Variants in PDSS2 observed in about 807,000 individuals in gnomAD.
PDSS2 encodes the protein decaprenyl diphosphate synthase subunit 2.
In PDSS2, 31 loss-of-function variants were observed where a neutral mutation model predicts 44.5. That is an observed-to-expected ratio of 0.70 (90% CI 0.52 to 0.94). The LOEUF (loss-of-function observed/expected upper bound fraction) is 0.94. Ranked by LOEUF, PDSS2 falls within the 40% of genes least tolerant of loss-of-function variation. PDSS2 has a pLI of 0.00. For missense variants in PDSS2, 452 were observed against 482.2 expected (o/e 0.94, Z 0.59); for synonymous variants, 157 against 180.3 (o/e 0.87, Z 1.03).
intron 3 of PDSS2, chr6:107,264,543 T>A (rs1185631909): frequency 7.5e-7 from 1 of 1,327,164 alleles, no homozygotes; most frequent in Non-Finnish European, 1.1e-6. Context: ...CGTGATAAAT[T>A]CCATTCTTTA....
chr6:107,245,295 T>A (rs897450239), intron 4 of PDSS2, among the ~76,000 whole-genome samples: 1 of 152,086 alleles, frequency 6.6e-6, no homozygotes, highest in Non-Finnish European at 1.5e-5. Context: ...CATCCCAGTG[T>A]CTACTGAGCT....
chr6:107,189,918 G>T (rs563149736), intron 7 of PDSS2, among the ~76,000 whole-genome samples: 72 of 151,544 alleles, frequency 4.8e-4, no homozygotes, highest in African/African-American at 1.6e-3. Flanking sequence ...AAGAAAGAAA[G>T]AAACAAATAA....
At chr6:107,258,248 T>C (rs1025343733) in intron 3 of PDSS2, among the ~76,000 whole-genome samples, 2 of 152,170 alleles carry the variant, frequency 1.3e-5, no homozygotes, top group Non-Finnish European at 1.5e-5. Flanking sequence ...TTATATAAGA[T>C]ATTGGCTTCT....
chr6:107,239,564 T>A (rs570136328), intron 4 of PDSS2, among the ~76,000 whole-genome samples: 1 of 150,672 alleles, frequency 6.6e-6, no homozygotes, highest in Non-Finnish European at 1.5e-5. Context: ...AATGGTTTTA[T>A]AAAATAATTT....
chr6:107,436,086 T>A (rs539003526), intron 1 of PDSS2, among the ~76,000 whole-genome samples: 49 of 152,378 alleles, frequency 3.2e-4, no homozygotes, highest in African/African-American at 1.1e-3. Flanking sequence ...TCTGATGTGT[T>A]AACTATGTGC....
chr6:107,402,237 G>A (rs1203579224), intron 1 of PDSS2, among the ~76,000 whole-genome samples: 3 of 149,952 alleles, frequency 2.0e-5, no homozygotes, highest in South Asian at 2.1e-4. Flanking sequence ...CCGAGATTGC[G>A]CCATTACACT....
At chr6:107,428,394 G>C (rs1417965539) in intron 1 of PDSS2, among the ~76,000 whole-genome samples, 1 of 152,210 alleles carries the variant, frequency 6.6e-6, no homozygotes, top group Non-Finnish European at 1.5e-5. Flanking sequence ...TGATACACAA[G>C]ATGAATGCCG....
chr6:107,156,341 C>T (rs1770896116), intron 7 of PDSS2, among the ~76,000 whole-genome samples: 1 of 151,920 alleles, frequency 6.6e-6, no homozygotes, highest in Admixed American at 6.6e-5. Context: ...ACTACAGGTA[C>T]CCACCACCAT....
At chr6:107,252,798 C>T (rs967668991) in intron 3 of PDSS2, among the ~76,000 whole-genome samples, 7 of 152,050 alleles carry the variant, frequency 4.6e-5, no homozygotes, top group African/African-American at 1.4e-4. Context: ...TTTTTAAAAT[C>T]GCAACTGATA....
chr6:107,229,241 C>T (rs1773949270), intron 4 of PDSS2, among the ~76,000 whole-genome samples: 1 of 152,176 alleles, frequency 6.6e-6, no homozygotes, highest in Non-Finnish European at 1.5e-5. Flanking sequence ...GGCTGGAGTG[C>T]AATGGCGTGA....
chr6:107,341,035 A>C (rs1713442468), intron 1 of PDSS2, among the ~76,000 whole-genome samples: 1 of 152,212 alleles, frequency 6.6e-6, no homozygotes, highest in African/African-American at 2.4e-5. Context: ...CTAAAGACTA[A>C]AACTGTTACT....
At chr6:107,226,270 C>A (rs1452798824) in intron 4 of PDSS2, among the ~76,000 whole-genome samples, 1 of 152,188 alleles carries the variant, frequency 6.6e-6, no homozygotes. Flanking sequence ...CGAGATTGCG[C>A]CACTGCACTC....
At chr6:107,442,158 T>C (rs565193228) in intron 1 of PDSS2, among the ~76,000 whole-genome samples, 45 of 152,354 alleles carry the variant, frequency 3.0e-4, no homozygotes, top group African/African-American at 1.1e-3. Context: ...GGCTCACACC[T>C]GTAATCCCAA....
intron 1 of PDSS2, among the ~76,000 whole-genome samples, chr6:107,378,250 C>T (rs1171898626): frequency 6.7e-6 from 1 of 149,728 alleles, no homozygotes. Context: ...TATTCAATAT[C>T]ATACTAGATC....
chr6:107,378,348 A>G (rs1779354303), intron 1 of PDSS2, among the ~76,000 whole-genome samples: 1 of 151,990 alleles, frequency 6.6e-6, no homozygotes, highest in Admixed American at 6.6e-5. Flanking sequence ...ATGATTATCT[A>G]TGTAGAAAAT....
Position 107,245,587 on chromosome 6 carries a change from G to C in PDSS2, c.663C>G (p.Asp221Glu). The C allele has an allele frequency of 1.3e-6, 2 of 1,594,048 alleles. 1 individual carries two copies. Among genetic ancestry groups the C allele is most frequent in the South Asian group, 2.3e-5 (2 of 87,652 alleles). Residue 221 changes from aspartate (D) to glutamate (E), a missense_variant, in exon 4 of 8, where the codon GAC becomes GAG. Physicochemically the swap from Asp to Glu is conservative, Grantham distance 45 (BLOSUM62 2). Transcript: ENST00000369037. ...TTTCATGATATACTCCTTGTACCAAGTCCATAAGAGCACTTGCTAAAAGTT... is the reference window on the plus strand; with the variant it reads ...TTTCATGATATACTCCTTGTACCAACTCCATAAGAGCACTTGCTAAAAGTT... ...VVELLASALM[D>E]LVQGVYHENS...
chr6:107,410,288 C>A (rs1160732341), intron 1 of PDSS2, among the ~76,000 whole-genome samples: 1 of 152,106 alleles, frequency 6.6e-6, no homozygotes, highest in Admixed American at 6.5e-5. Context: ...TTGTCTCACT[C>A]CCACCCTGTC....
intron 1 of PDSS2, among the ~76,000 whole-genome samples, chr6:107,364,671 C>T (rs1023056170): frequency 6.6e-6 from 1 of 152,182 alleles, no homozygotes; most frequent in African/African-American, 2.4e-5. Flanking sequence ...CCAGCCTTGG[C>T]CAGCCCAGAA....
chr6:107,451,753 G>T (rs181529025), intron 1 of PDSS2, among the ~76,000 whole-genome samples: 1 of 152,066 alleles, frequency 6.6e-6, no homozygotes, highest in Non-Finnish European at 1.5e-5. Context: ...TAAATAGGGC[G>T]GGTTCCCAGA....
Sources: allele counts gnomAD v4.1 joint callset (sites outside exome capture counted in the v4.1 genomes callset), GRCh38; gene constraint gnomAD v4.1.1; transcripts MANE v1.5; gene names NCBI Gene and HGNC (gene_info 2026-07-23, HGNC 2026-07-21).